DLGAP1: variants seen among roughly 807,000 people sequenced by gnomAD.
The protein encoded by DLGAP1 is disks large-associated protein 1.
A neutral mutation model predicts 90.8 loss-of-function variants in DLGAP1; 11 were observed. The ratio of observed to expected loss-of-function variants is 0.12; its 90% CI spans 0.08 to 0.20. The LOEUF (loss-of-function observed/expected upper bound fraction) is 0.20, where lower values mean the gene tolerates loss of function less well. Among genes scored for constraint, DLGAP1 ranks in the 10% least tolerant of loss-of-function variants. The pLI, the probability that DLGAP1 is intolerant of heterozygous loss-of-function variation, is 1.00. For synonymous variants in DLGAP1, 558 were observed against 540.7 expected (o/e 1.03, Z -0.44); for missense variants, 1,050 against 1,333.8 (o/e 0.79, Z 3.31).
chr18:3,765,659 C>A (rs1332848786), intron 5 of DLGAP1, among the ~76,000 whole-genome samples: 1 of 151,612 alleles, frequency 6.6e-6, no homozygotes, highest in Non-Finnish European at 1.5e-5. Flanking sequence ...CATGGTGAAC[C>A]CCGTCTCTAT....
At chr18:4,333,995 T>C (rs974292452) in intron 1 of DLGAP1, among the ~76,000 whole-genome samples, 1 of 151,176 alleles carries the variant, frequency 6.6e-6, no homozygotes, top group Admixed American at 6.6e-5. Flanking sequence ...TCCCAGCACT[T>C]TGGGAGGCTA....
chr18:4,046,749 G>A (rs949322899), intron 2 of DLGAP1, among the ~76,000 whole-genome samples: 2 of 152,220 alleles, frequency 1.3e-5, no homozygotes, highest in Non-Finnish European at 2.9e-5. Context: ...TATCCTCGGA[G>A]GTTGTGGGTT....
intron 3 of DLGAP1, among the ~76,000 whole-genome samples, chr18:3,926,463 T>C (rs2072390681): frequency 7.4e-6 from 1 of 135,662 alleles, no homozygotes; most frequent in East Asian, 2.2e-4. Context: ...TATGTATATA[T>C]GTGCCTATGT....
At chr18:3,772,952 T>C (rs1466914446) in intron 5 of DLGAP1, among the ~76,000 whole-genome samples, 1 of 152,182 alleles carries the variant, frequency 6.6e-6, no homozygotes, top group African/African-American at 2.4e-5. Context: ...GAGCCCCTGG[T>C]CCTTACCTTA....
chr18:3,567,620 A>G (rs202187623), intron 8 of DLGAP1, 39 bp from the exon 9 acceptor site: 12 of 1,555,176 alleles, frequency 7.7e-6, no homozygotes, highest in Admixed American at 1.7e-5. Context: ...GTTCCATTTC[A>G]GTCATCTTGC....
chr18:4,129,172 A>G (rs2076276331), intron 2 of DLGAP1, among the ~76,000 whole-genome samples: 1 of 152,208 alleles, frequency 6.6e-6, no homozygotes, highest in African/African-American at 2.4e-5. Context: ...TGCTCACTGC[A>G]TGAAGCACAA....
chr18:4,360,774 T>C (rs2081613630), intron 1 of DLGAP1, among the ~76,000 whole-genome samples: 1 of 151,972 alleles, frequency 6.6e-6, no homozygotes, highest in Non-Finnish European at 1.5e-5. Flanking sequence ...AGGTCAGGAG[T>C]TCGAGACCAG....
At chr18:3,928,288 C>T (rs2072437984) in intron 3 of DLGAP1, among the ~76,000 whole-genome samples, 1 of 152,170 alleles carries the variant, frequency 6.6e-6, no homozygotes, top group Non-Finnish European at 1.5e-5. Flanking sequence ...CCCATTGGCT[C>T]TTGAGTTGTT....
At position 4,235,904 on chromosome 18, in the gene DLGAP1, T is replaced by G. The variant is rs545134232; in HGVS notation, c.-266-84617A>C. 7.9e-5 allele frequency among the ~76,000 whole-genome samples: 12 copies of G among 152,146 alleles called. No homozygotes were observed. In the East Asian group the frequency reaches 1.9e-3, roughly 25 times the overall value. On this transcript the variant is annotated intron_variant, in intron 1 of 12. Coordinates refer to ENST00000315677, the MANE Select transcript of DLGAP1 (RefSeq NM_004746.4). ...CCATGCCTGGCTAATTTTTGTATTT[T>G]TAGTAGAGACGGGGTTTGGCCAAGT...
chr18:4,059,893 C>T (rs1467222605), intron 2 of DLGAP1, among the ~76,000 whole-genome samples: 1 of 152,134 alleles, frequency 6.6e-6, no homozygotes, highest in African/African-American at 2.4e-5. Flanking sequence ...GAGGCAGGCT[C>T]AACTACTGGC....
At chr18:4,019,688 T>C (rs1225651051) in intron 2 of DLGAP1, among the ~76,000 whole-genome samples, 1 of 152,176 alleles carries the variant, frequency 6.6e-6, no homozygotes, top group Admixed American at 6.5e-5. Flanking sequence ...TATTAGAATA[T>C]ATCATTTAAC....
intron 3 of DLGAP1, among the ~76,000 whole-genome samples, chr18:3,949,974 A>G (rs1316482933): frequency 6.6e-6 from 1 of 152,226 alleles, no homozygotes; most frequent in Non-Finnish European, 1.5e-5. Context: ...TAGGAAAAAC[A>G]TTAGAATAGA....
At chr18:3,681,569 A>G (rs1428479525) in intron 7 of DLGAP1, among the ~76,000 whole-genome samples, 2 of 152,206 alleles carry the variant, frequency 1.3e-5, no homozygotes, top group Non-Finnish European at 2.9e-5. Context: ...AAAAATCTGC[A>G]GATTCCTTAT....
chr18:3,643,614 G>T (rs1380032133), intron 7 of DLGAP1, among the ~76,000 whole-genome samples: 1 of 135,412 alleles, frequency 7.4e-6, no homozygotes, highest in Non-Finnish European at 1.5e-5. Flanking sequence ...AGTGAGCTGA[G>T]ATCGCGCCAC....
chr18:4,375,836 AC>A (rs1233469162), intron 1 of DLGAP1, among the ~76,000 whole-genome samples: 3 of 152,162 alleles, frequency 2.0e-5, no homozygotes, highest in Admixed American at 6.6e-5. Context: ...CAAACAGAGT[AC>A]ATCCTTATTT....
intron 5 of DLGAP1, among the ~76,000 whole-genome samples, chr18:3,811,262 A>C (rs925847274): frequency 6.6e-6 from 1 of 152,212 alleles, no homozygotes; most frequent in African/African-American, 2.4e-5. Flanking sequence ...AGGGGATGTG[A>C]TGGTAGCACA....
intron 2 of DLGAP1, among the ~76,000 whole-genome samples, chr18:4,008,910 C>T (rs1369364420): frequency 6.6e-6 from 1 of 151,414 alleles, no homozygotes; most frequent in Non-Finnish European, 1.5e-5. Flanking sequence ...CCGAGTCTCT[C>T]TCTTTGTTTT....
chr18:4,192,580 A>T (rs2077421836), intron 1 of DLGAP1, among the ~76,000 whole-genome samples: 1 of 152,204 alleles, frequency 6.6e-6, no homozygotes. Flanking sequence ...TGTAAATGTA[A>T]CCTCTTTTGA....
In DLGAP1 at chr18:4,161,983, A is replaced by G. The variant is rs375665208; in HGVS notation, c.-266-10696T>C. ...ATCTGAGGTCTTCATCCCATACAAC[A>G]AAAGCAGTCTCTGCAGCCATTTTGT... On this transcript the variant is annotated intron_variant, in intron 1 of 12. Coordinates refer to ENST00000315677, the MANE Select transcript of DLGAP1 (RefSeq NM_004746.4). Among the ~76,000 whole-genome samples the G allele has an allele frequency of 5.5e-4, 84 of 152,330 alleles. No individual in the cohort carries two copies. The South Asian group carries it at 0.017, about 30-fold the overall frequency.
Sources: gnomAD v4.1 joint callset for allele counts (sites outside exome capture counted in the v4.1 genomes callset) on GRCh38, gnomAD v4.1.1 for gene constraint, MANE v1.5 for transcripts, NCBI Gene and HGNC (gene_info 2026-07-23, HGNC 2026-07-21) for gene names.